The following ATL3 variants were observed in gnomAD, a reference collection of about 807,000 sequenced individuals.
ATL3 encodes atlastin-3.
In ATL3, 49 loss-of-function variants were observed where a neutral mutation model predicts 69.5. That is an observed-to-expected ratio of 0.71 (90% CI 0.56 to 0.89). ATL3 has a LOEUF of 0.89. Ranked by LOEUF, ATL3 falls within the 40% of genes least tolerant of loss-of-function variation. The pLI, the probability that ATL3 is intolerant of heterozygous loss-of-function variation, is 0.00. For synonymous variants in ATL3, 214 were observed against 224.1 expected (o/e 0.95, Z 0.40); for missense variants, 606 against 645.7 (o/e 0.94, Z 0.67).
chr11:63,634,903 T>C (rs1476861046), intron 10 of ATL3, among the ~76,000 whole-genome samples: 1 of 151,996 alleles, frequency 6.6e-6, no homozygotes, highest in Non-Finnish European at 1.5e-5. Flanking sequence ...GGCTCACCCC[T>C]ATAATCCCAG....
chr11:63,629,278 A>AGG lies in ATL3; in HGVS notation c.*39_*40dup. 2.0e-6 allele frequency: 3 copies of AGG among 1,535,630 alleles called. No homozygotes were observed. Among genetic ancestry groups the AGG allele is most frequent in the Non-Finnish European group, 2.7e-6 (3 of 1,108,936 alleles). On this transcript the variant is annotated 3_prime_UTR_variant, in exon 13 of 13. Transcript: ENST00000398868. ...CCGTGGCAGAAACCCAGAAATCAGTAGGGGCTTGTTGTGTTCTTGTTTGAT... is the reference window on the plus strand; with the variant it reads ...CCGTGGCAGAAACCCAGAAATCAGTAGGGGGGCTTGTTGTGTTCTTGTTTGAT...
intron 1 of ATL3, among the ~76,000 whole-genome samples, chr11:63,661,350 A>C (rs1197996833): frequency 1.3e-5 from 2 of 152,202 alleles, no homozygotes; most frequent in African/African-American, 4.8e-5. Context: ...TAACTCAAAA[A>C]GTTTTAGAAG....
At position 63,658,774 on chromosome 11, in the gene ATL3, G is replaced by A. The variant is rs1940334224; in HGVS notation, c.392C>T (p.Pro131Leu). ...IWSEVFTVEK[P>L]GGKKVAVVLM... Reference sequence around the variant, plus strand: ...TTTCATCCTTACCTTCTTCCCACCTGGCTTCTCCACAGTGAAAACTTCACT... The same window carrying A: ...TTTCATCCTTACCTTCTTCCCACCTAGCTTCTCCACAGTGAAAACTTCACT... Residue 131 changes from proline (P) to leucine (L), a missense_variant, in exon 3 of 13, where the codon CCA becomes CTA. Physicochemically the swap from Pro to Leu is moderately conservative, Grantham distance 98. Coordinates refer to ENST00000398868, the MANE Select transcript of ATL3 (RefSeq NM_015459.5). 1 of 1,601,302 alleles carries A rather than the reference G, an allele frequency of 6.2e-7. No individual in the cohort carries two copies. The highest frequency in any genetic ancestry group is 1.3e-5 in the African/African-American group (1 of 74,236).
chr11:63,653,762 C>G (rs1022065517), intron 3 of ATL3, among the ~76,000 whole-genome samples: 1 of 152,142 alleles, frequency 6.6e-6, no homozygotes, highest in Non-Finnish European at 1.5e-5. Context: ...TTGTATGATT[C>G]TAACTATATG....
chr11:63,661,353 T>G (rs943193221), intron 1 of ATL3, among the ~76,000 whole-genome samples: 2 of 152,088 alleles, frequency 1.3e-5, no homozygotes, highest in Admixed American at 1.3e-4. Context: ...CTCAAAAAGT[T>G]TTAGAAGCTA....
chr11:63,665,361 A>G (rs397832345), intron 1 of ATL3, among the ~76,000 whole-genome samples: 9 of 151,508 alleles, frequency 5.9e-5, no homozygotes, highest in East Asian at 5.8e-4. Flanking sequence ...AAAAAAAAAA[A>G]AAGAAGAATG....
At chr11:63,657,241 T>C (rs1481214668) in intron 3 of ATL3, among the ~76,000 whole-genome samples, 2 of 145,980 alleles carry the variant, frequency 1.4e-5, no homozygotes, top group Non-Finnish European at 3.0e-5. Context: ...CAAACAGGTG[T>C]GAAGGCATGC....
At chr11:63,658,996 A>C in intron 2 of ATL3, 42 bp downstream of exon 2, 1 of 1,606,822 alleles carries the variant, frequency 6.2e-7, no homozygotes. Context: ...TTTGGACATT[A>C]AAGTCTCACT....
In ATL3 at chr11:63,627,864, G is replaced by A. The variant is rs150841684; in HGVS notation, c.*1455C>T. On this transcript the variant is annotated 3_prime_UTR_variant, in exon 13 of 13. Transcript: ENST00000398868. ...TCTTAAAGCTACCAGACTAGCCAAA[G>A]TAAAATTAAATAGATAATTCACTAA... The A allele has an allele frequency of 5.3e-5, 8 of 152,304 alleles. No individual in the cohort carries two copies. The highest frequency in any genetic ancestry group is 5.2e-4 in the Admixed American group (8 of 15,302). The allele number at this position is 152,304 out of a possible 1,614,324, so 9.4% of individuals were successfully genotyped here.
At chr11:63,651,524 C>T (rs531942279) in intron 5 of ATL3, among the ~76,000 whole-genome samples, 1 of 152,164 alleles carries the variant, frequency 6.6e-6, no homozygotes, top group East Asian at 1.9e-4. Flanking sequence ...GAGGAAAAGA[C>T]CCAGAATGAG....
At chr11:63,657,129 G>C (rs2134519281) in intron 3 of ATL3, among the ~76,000 whole-genome samples, 1 of 149,416 alleles carries the variant, frequency 6.7e-6, no homozygotes, top group East Asian at 2.0e-4. Flanking sequence ...AGAATTGCTT[G>C]AACCTGGGAG....
Position 63,652,662 on chromosome 11 carries a change from T to C in ATL3, c.406-87A>G, listed in dbSNP as rs567505870. ...GAAATTGAAAAGTACAGGTAATATA[T>C]ACTTAAGTACAGGTAATGTTTATGT... On this transcript the variant is annotated intron_variant, in intron 3 of 12. Transcript: ENST00000398868. The C allele has an allele frequency of 1.7e-5, 15 of 861,330 alleles. No individual in the cohort carries two copies. In the Admixed American group the frequency reaches 1.9e-4, roughly 11 times the overall value. 53.4% of individuals were successfully genotyped at this position (861,330 alleles called of 1,614,324 possible). A position where few individuals can be genotyped will look rare whatever the true frequency, so the allele number is the denominator to read the frequency against.
At chr11:63,636,104 C>A in intron 9 of ATL3, 103 bp downstream of exon 9, 1 of 1,472,978 alleles carries the variant, frequency 6.8e-7, no homozygotes, top group Non-Finnish European at 9.1e-7. Context: ...CCATCTCCCC[C>A]AGAAAATTTT....
upstream of ATL3, chr11:63,671,841 C>A: frequency 1.2e-6 from 1 of 807,798 alleles, no homozygotes; most frequent in South Asian, 2.0e-5. Flanking sequence ...CGGCGCCTAA[C>A]GTGCAGACCA....
intron 11 of ATL3, 116 bp downstream of exon 11, chr11:63,632,910 T>G: frequency 1.1e-6 from 1 of 946,286 alleles, no homozygotes; most frequent in Non-Finnish European, 1.7e-6. Flanking sequence ...AACCTGAATA[T>G]AAGTTTATTG....
intron 1 of ATL3, among the ~76,000 whole-genome samples, chr11:63,666,537 C>T (rs929257921): frequency 6.6e-6 from 1 of 152,014 alleles, no homozygotes; most frequent in Non-Finnish European, 1.5e-5. Context: ...GTCTAGTTTT[C>T]AGTTTCATCA....
chr11:63,657,445 G>C (rs1459147303), intron 3 of ATL3, among the ~76,000 whole-genome samples: 1 of 152,160 alleles, frequency 6.6e-6, no homozygotes, highest in Non-Finnish European at 1.5e-5. Context: ...TCTGAACAGT[G>C]AGATCCCCAA....
At chr11:63,671,644 G>T, upstream of ATL3, 1 of 1,404,438 alleles carries the variant, frequency 7.1e-7, no homozygotes, top group Non-Finnish European at 9.4e-7. Context: ...ACCTGTTGGC[G>T]GGGCGCTGAG....
intron 11 of ATL3, chr11:63,632,500 C>T: frequency 3.5e-6 from 3 of 854,250 alleles, no homozygotes. Flanking sequence ...AGACAAAATC[C>T]TCACCACTAG....
Sources: allele counts gnomAD v4.1 joint callset (sites outside exome capture counted in the v4.1 genomes callset), GRCh38; gene constraint gnomAD v4.1.1; transcripts MANE v1.5; gene names NCBI Gene and HGNC (gene_info 2026-07-23, HGNC 2026-07-21).